The following MYH11 variants were observed in gnomAD, a reference collection of about 807,000 sequenced individuals.
MYH11 encodes myosin-11.
A neutral mutation model predicts 246.6 loss-of-function variants in MYH11; 80 were observed. The observed-to-expected ratio is 0.32, with a 90% CI of 0.27 to 0.39. The LOEUF is 0.39. Among genes scored for constraint, MYH11 ranks in the 10% least tolerant of loss-of-function variants. The pLI, the probability that MYH11 is intolerant of heterozygous loss-of-function variation, is 1.00. For missense variants in MYH11, 2,158 were observed against 2,546.8 expected, an observed-to-expected ratio of 0.85 and a Z score of 3.29; for synonymous variants, 1,071 against 1,015.5, an observed-to-expected ratio of 1.05 and a Z score of -1.04.
At chr16:15,759,908 C>T (rs561882923) in intron 11 of MYH11, among the ~76,000 whole-genome samples, 180 bp from the exon 12 acceptor site, 1 of 152,228 alleles carries the variant, frequency 6.6e-6, no homozygotes, top group South Asian at 2.1e-4. Flanking sequence ...ACCAGCCTGA[C>T]CAACAAGGCA....
At chr16:15,716,464 C>CT (rs1567686239) in intron 38 of MYH11, among the ~76,000 whole-genome samples, 1 of 152,100 alleles carries the variant, frequency 6.6e-6, no homozygotes, top group Non-Finnish European at 1.5e-5. Flanking sequence ...ATTAAGAAGG[C>CT]TTCCAGTGTG....
chr16:15,789,721 G>T (rs553729255), intron 4 of MYH11, among the ~76,000 whole-genome samples: 2 of 152,282 alleles, frequency 1.3e-5, no homozygotes, highest in South Asian at 2.1e-4. Flanking sequence ...TCAGGCTAAC[G>T]TCAGAACCTT....
At chr16:15,825,232 T>C (rs931297493) in intron 2 of MYH11, among the ~76,000 whole-genome samples, 3 of 151,970 alleles carry the variant, frequency 2.0e-5, no homozygotes, top group Admixed American at 6.6e-5. Context: ...CTCATGGGTA[T>C]AAGGTTTCCT....
At chr16:15,837,467 G>A (rs1281799758) in intron 2 of MYH11, among the ~76,000 whole-genome samples, 3 of 151,770 alleles carry the variant, frequency 2.0e-5, no homozygotes, top group Non-Finnish European at 4.4e-5. Flanking sequence ...GGGCTGAGAT[G>A]TGAACCCACC....
chr16:15,827,569 C>T (rs1201144410), intron 2 of MYH11, among the ~76,000 whole-genome samples: 2 of 152,192 alleles, frequency 1.3e-5, no homozygotes, highest in Admixed American at 1.3e-4. Context: ...CTTCCCCATT[C>T]CATCACCCAG....
chr16:15,817,115 T>C (rs1035669064), intron 3 of MYH11, among the ~76,000 whole-genome samples: 1 of 152,166 alleles, frequency 6.6e-6, no homozygotes, highest in Non-Finnish European at 1.5e-5. Context: ...CATAATTGTC[T>C]CTTGGGAGGG....
chr16:15,841,185 C>T (rs984725712), intron 1 of MYH11, among the ~76,000 whole-genome samples: 1 of 152,182 alleles, frequency 6.6e-6, no homozygotes, highest in African/African-American at 2.4e-5. Context: ...GTTGTCTATG[C>T]TGGAGGGCAG....
chr16:15,711,081 C>G (rs1227305558), intron 40 of MYH11: 1 of 152,264 alleles, frequency 6.6e-6, no homozygotes, highest in East Asian at 1.9e-4. Flanking sequence ...CCTGGTTTCT[C>G]TCCTATCCAT....
chr16:15,819,717 A>G (rs931718323), intron 3 of MYH11, among the ~76,000 whole-genome samples: 4 of 152,282 alleles, frequency 2.6e-5, no homozygotes, highest in African/African-American at 9.6e-5. Context: ...TAAAGTGCAC[A>G]ATAAATGTAA....
At position 15,837,899 on chromosome 16, in the gene MYH11, A is replaced by C; in HGVS notation, c.345+9T>G. On this transcript the variant is annotated intron_variant, in intron 2 of 40. Transcript: ENST00000300036. The stretch of plus-strand genomic sequence containing the variant: ...CAGGAGTAGGTACCTGGCTGCCTGC[A>C]ATACTCACATATATTAGCCCTGAGA... 6.2e-7 allele frequency: 1 copy of C among 1,612,686 alleles called. No homozygotes were observed. Among genetic ancestry groups the C allele is most frequent in the Non-Finnish European group, 8.5e-7 (1 of 1,178,740 alleles).
At chr16:15,739,568 C>A (rs1267705651) in intron 23 of MYH11, among the ~76,000 whole-genome samples, 1 of 152,190 alleles carries the variant, frequency 6.6e-6, no homozygotes, top group Non-Finnish European at 1.5e-5. Context: ...AGGGGCCAAG[C>A]TGACATCCAG....
At chr16:15,753,368 A>T (rs935929562) in intron 15 of MYH11, 26 bp downstream of exon 15, 5 of 1,598,482 alleles carry the variant, frequency 3.1e-6, no homozygotes, top group Non-Finnish European at 4.3e-6. Context: ...AAAGCAGAAC[A>T]TGGACCCGAG....
intron 2 of MYH11, among the ~76,000 whole-genome samples, chr16:15,833,420 GAACT>G (rs1190323418): frequency 3.4e-5 from 5 of 147,352 alleles, no homozygotes; most frequent in African/African-American, 1.3e-4. Flanking sequence ...AGGGAGGAAC[GAACT>G]AACTAACTCG....
chr16:15,719,249 T>TGCCAGTTCCTCC lies in MYH11; in HGVS notation c.5130_5141dup (p.Glu1715_Ala1718dup). 6 of 1,613,642 alleles carry TGCCAGTTCCTCC rather than the reference T, an allele frequency of 3.7e-6. No individual in the cohort carries two copies. The highest frequency in any genetic ancestry group is 5.1e-6 in the Non-Finnish European group (6 of 1,180,036). On this transcript the variant is annotated inframe_insertion, in exon 36 of 41. Coordinates refer to ENST00000300036, the MANE Select transcript of MYH11 (RefSeq NM_002474.3). The stretch of plus-strand genomic sequence containing the variant: ...CCGACAGGCTACTGGCCAGCTCCTC[T>TGCCAGTTCCTCC]GCCAGTTCCTCCTTCTCGAGGTCCG...
chr16:15,725,220 G>A (rs1046170108), intron 28 of MYH11: 2 of 608,058 alleles, frequency 3.3e-6, no homozygotes, highest in Non-Finnish European at 5.8e-6. Flanking sequence ...TTGGGACCCT[G>A]GCCCTAGACT....
chr16:15,725,237 T>C, intron 28 of MYH11: 1 of 600,330 alleles, frequency 1.7e-6, no homozygotes, highest in Non-Finnish European at 2.9e-6. Flanking sequence ...GACTCTGTGG[T>C]TCTAAGAACT....
chr16:15,765,632 C>G (rs1392775026), intron 9 of MYH11, among the ~76,000 whole-genome samples: 1 of 152,046 alleles, frequency 6.6e-6, no homozygotes, highest in African/African-American at 2.4e-5. Flanking sequence ...TTCCTCAGGC[C>G]AAACCAGACA....
chr16:15,835,746 ATTT>A (rs386384349), intron 2 of MYH11, among the ~76,000 whole-genome samples: 8,927 of 132,066 alleles, frequency 0.068, 711 homozygotes, highest in African/African-American at 0.22. Context: ...AGCTGGTACT[ATTT>A]TTTTTTTTTT....
At chr16:15,715,378 C>G in intron 38 of MYH11, 106 bp from the exon 39 acceptor site, 1 of 963,018 alleles carries the variant, frequency 1.0e-6, no homozygotes, top group South Asian at 1.3e-5. Context: ...AGCCCCGTAT[C>G]TGGACTCCTC....
Sources: allele counts gnomAD v4.1 joint callset (sites outside exome capture counted in the v4.1 genomes callset), GRCh38; gene constraint gnomAD v4.1.1; transcripts MANE v1.5; gene names NCBI Gene and HGNC (gene_info 2026-07-23, HGNC 2026-07-21).